CSMD1: variants seen among roughly 807,000 people sequenced by gnomAD.
CSMD1 encodes CUB and sushi domain-containing protein 1.
A neutral mutation model predicts 417.5 loss-of-function variants in CSMD1; 213 were observed. The ratio of observed to expected loss-of-function variants is 0.51; its 90% CI spans 0.46 to 0.57. The LOEUF is 0.57. Ranked by LOEUF, CSMD1 falls within the 20% of genes least tolerant of loss-of-function variation. The pLI is 0.00. For missense variants in CSMD1, 6,923 were observed against 4,529.7 expected (o/e 1.53, Z -15.17); for synonymous variants, 2,862 against 1,736.8 (o/e 1.65, Z -16.11).
At chr8:4,489,318 T>C (rs1801579251) in intron 2 of CSMD1, among the ~76,000 whole-genome samples, 1 of 152,202 alleles carries the variant, frequency 6.6e-6, no homozygotes, top group Non-Finnish European at 1.5e-5. Flanking sequence ...ATTCAATGCA[T>C]AAGGAAAAAC....
At chr8:3,850,006 T>TGTTGGTCAC (rs1554460706) in intron 5 of CSMD1, among the ~76,000 whole-genome samples, 2 of 151,624 alleles carry the variant, frequency 1.3e-5, no homozygotes, top group Non-Finnish European at 2.9e-5. Flanking sequence ...AGTTTCACGA[T>TGTTGGTCAC]GTTGGTCTCA....
chr8:3,806,408 G>T (rs1202140033), intron 5 of CSMD1, among the ~76,000 whole-genome samples: 1 of 152,172 alleles, frequency 6.6e-6, no homozygotes, highest in African/African-American at 2.4e-5. Flanking sequence ...CGTGTGTGAA[G>T]CCCTCAAGCA....
At chr8:3,816,357 A>C (rs1175002282) in intron 5 of CSMD1, among the ~76,000 whole-genome samples, 1 of 152,206 alleles carries the variant, frequency 6.6e-6, no homozygotes, top group East Asian at 1.9e-4. Flanking sequence ...AAAATAAGTG[A>C]GCACAGCAGG....
intron 5 of CSMD1, among the ~76,000 whole-genome samples, chr8:3,794,021 A>G (rs1379236906): frequency 1.3e-5 from 2 of 152,162 alleles, no homozygotes; most frequent in African/African-American, 4.8e-5. Context: ...ACGCGTAGAC[A>G]GACGAAAGAC....
chr8:3,439,245 C>A (rs1359122016), intron 12 of CSMD1, among the ~76,000 whole-genome samples: 2 of 128,842 alleles, frequency 1.6e-5, no homozygotes, highest in Non-Finnish European at 3.2e-5. Context: ...GTTTGAGTGA[C>A]TCAACTTCTC....
intron 3 of CSMD1, among the ~76,000 whole-genome samples, chr8:4,073,559 T>G (rs570959390): frequency 6.6e-6 from 1 of 152,148 alleles, no homozygotes; most frequent in Admixed American, 6.5e-5. Context: ...AACCATGCTA[T>G]TAATCCTACA....
intron 26 of CSMD1, among the ~76,000 whole-genome samples, chr8:3,269,573 C>G (rs13264547): frequency 6.6e-6 from 1 of 151,852 alleles, no homozygotes; most frequent in Non-Finnish European, 1.5e-5. Flanking sequence ...CCACTATTTA[C>G]GGAGAAATCA....
At chr8:4,416,852 A>C (rs571140951) in intron 3 of CSMD1, among the ~76,000 whole-genome samples, 1 of 152,098 alleles carries the variant, frequency 6.6e-6, no homozygotes, top group Non-Finnish European at 1.5e-5. Context: ...ATAAAAGAAG[A>C]AACATTACAC....
chr8:3,938,358 G>C (rs920162847), intron 5 of CSMD1, among the ~76,000 whole-genome samples: 1 of 152,148 alleles, frequency 6.6e-6, no homozygotes, highest in Non-Finnish European at 1.5e-5. Flanking sequence ...TAAAGTAATA[G>C]AGTCAAAACT....
At chr8:4,323,159 A>C (rs1160806192) in intron 3 of CSMD1, among the ~76,000 whole-genome samples, 1 of 152,210 alleles carries the variant, frequency 6.6e-6, no homozygotes, top group East Asian at 1.9e-4. Flanking sequence ...GTACAATGAC[A>C]AGCTTTGGTT....
chr8:4,022,184 G>A (rs374734514), intron 4 of CSMD1, among the ~76,000 whole-genome samples: 11,395 of 117,900 alleles, frequency 0.097, 517 homozygotes, highest in Middle Eastern at 0.15. Context: ...ATATTTATGT[G>A]TATATATATA....
At chr8:4,313,709 A>G (rs1345336431) in intron 3 of CSMD1, among the ~76,000 whole-genome samples, 1 of 152,112 alleles carries the variant, frequency 6.6e-6, no homozygotes, top group Non-Finnish European at 1.5e-5. Context: ...CTCTAAGGTC[A>G]TATGACTTAA....
intron 5 of CSMD1, among the ~76,000 whole-genome samples, chr8:3,755,628 C>A (rs1797615833): frequency 6.6e-6 from 1 of 151,980 alleles, no homozygotes; most frequent in South Asian, 2.1e-4. Flanking sequence ...GAGAGCATTT[C>A]CCTACTTATT....
chr8:3,735,129 C>T (rs1796466474), intron 6 of CSMD1, among the ~76,000 whole-genome samples: 1 of 152,208 alleles, frequency 6.6e-6, no homozygotes, highest in African/African-American at 2.4e-5. Flanking sequence ...TCTTTTCAAT[C>T]ACCAGCATTT....
chr8:4,498,594 T>C (rs926005470), intron 2 of CSMD1, among the ~76,000 whole-genome samples: 4 of 152,156 alleles, frequency 2.6e-5, no homozygotes, highest in East Asian at 1.9e-4. Flanking sequence ...AATTATAAAA[T>C]AGTTCATTCA....
chr8:3,522,967 T>C (rs1018060591), intron 10 of CSMD1, among the ~76,000 whole-genome samples: 2 of 150,438 alleles, frequency 1.3e-5, no homozygotes, highest in Non-Finnish European at 3.0e-5. Flanking sequence ...GTCTACTCAT[T>C]TATCTATTTT....
intron 3 of CSMD1, among the ~76,000 whole-genome samples, chr8:4,374,553 G>C (rs562783436): frequency 6.6e-6 from 1 of 152,042 alleles, no homozygotes; most frequent in Non-Finnish European, 1.5e-5. Context: ...CCACTCAAGC[G>C]ACTCACACTG....
intron 5 of CSMD1, among the ~76,000 whole-genome samples, chr8:3,772,526 CATAT>C (rs879270240): frequency 6.2e-5 from 2 of 32,308 alleles, no homozygotes; most frequent in Non-Finnish European, 1.2e-4. Flanking sequence ...CATATATACA[CATAT>C]ATACATATAT....
intron 1 of CSMD1, among the ~76,000 whole-genome samples, chr8:4,834,578 G>C (rs1800345611): frequency 6.6e-6 from 1 of 151,824 alleles, no homozygotes; most frequent in Non-Finnish European, 1.5e-5. Flanking sequence ...AGTAATACGA[G>C]TTCAAAAAGA....
Sources: gnomAD v4.1 joint callset for allele counts (sites outside exome capture counted in the v4.1 genomes callset) on GRCh38, gnomAD v4.1.1 for gene constraint, MANE v1.5 for transcripts, NCBI Gene and HGNC (gene_info 2026-07-23, HGNC 2026-07-21) for gene names.